INSR: variants seen among roughly 807,000 people sequenced by gnomAD.
INSR encodes the protein IR.
In INSR, 67 loss-of-function variants were observed where a neutral mutation model predicts 142.6. That is an observed-to-expected ratio of 0.47 (90% confidence interval 0.39 to 0.58). The LOEUF is 0.58. Ranked by LOEUF, INSR falls within the 20% of genes least tolerant of loss-of-function variation. The pLI, the probability that INSR is intolerant of heterozygous loss-of-function variation, is 0.00. For missense variants in INSR, 1,248 were observed against 1,833.2 expected (o/e 0.68, Z 5.83); for synonymous variants, 756 against 743.1 (o/e 1.02, Z -0.28).
chr19:7,204,756 T>C (rs758469957), intron 2 of INSR, among the ~76,000 whole-genome samples: 8 of 152,100 alleles, frequency 5.3e-5, no homozygotes, highest in Non-Finnish European at 8.8e-5. Flanking sequence ...TGCTCCCCTA[T>C]CAGGCTGGCT....
intron 9 of INSR, among the ~76,000 whole-genome samples, chr19:7,153,207 C>CACACA (rs1476233117): frequency 0.017 from 437 of 25,506 alleles, 67 homozygotes; most frequent in Middle Eastern, 0.045. Context: ...CCACACACAC[C>CACACA]ACACACCACA....
chr19:7,288,168 G>C (rs1393455654), intron 1 of INSR, among the ~76,000 whole-genome samples: 1 of 151,616 alleles, frequency 6.6e-6, no homozygotes, highest in Non-Finnish European at 1.5e-5. Context: ...GACCAGCCTA[G>C]GCAACATAGC....
intron 2 of INSR, among the ~76,000 whole-genome samples, chr19:7,224,310 G>T (rs965234740): frequency 6.8e-6 from 1 of 146,886 alleles, no homozygotes; most frequent in East Asian, 2.0e-4. Context: ...GCAAATCTCC[G>T]TTTCAGTCTT....
intron 1 of INSR, 146 bp from the exon 2 acceptor site, chr19:7,268,042 C>A: frequency 1.4e-6 from 1 of 720,094 alleles, no homozygotes; most frequent in Non-Finnish European, 2.4e-6. Flanking sequence ...TGCAGCCAGC[C>A]GGGATGAGTA....
At chr19:7,291,727 CAGAAGAACAGG>C in intron 1 of INSR, among the ~76,000 whole-genome samples, 1 of 152,288 alleles carries the variant, frequency 6.6e-6, no homozygotes, top group South Asian at 2.1e-4. Context: ...CTACAAGGAA[CAGAAGAACAGG>C]GAACCACACA....
At chr19:7,195,267 A>G (rs1369538448) in intron 2 of INSR, among the ~76,000 whole-genome samples, 1 of 152,118 alleles carries the variant, frequency 6.6e-6, no homozygotes, top group Non-Finnish European at 1.5e-5. Flanking sequence ...AAAAGACAAA[A>G]TATTTGTGTA....
At chr19:7,146,438 C>T (rs1973190063) in intron 11 of INSR, among the ~76,000 whole-genome samples, 1 of 151,926 alleles carries the variant, frequency 6.6e-6, no homozygotes, top group Non-Finnish European at 1.5e-5. Flanking sequence ...GACAGTGTTT[C>T]ACCATGTTGA....
chr19:7,215,287 C>T (rs1975399052), intron 2 of INSR, among the ~76,000 whole-genome samples: 1 of 152,078 alleles, frequency 6.6e-6, no homozygotes, highest in South Asian at 2.1e-4. Context: ...ACAAGGACAC[C>T]AGGGAAGGTC....
At chr19:7,129,642 A>T (rs2144824672) in intron 14 of INSR, among the ~76,000 whole-genome samples, 1 of 152,282 alleles carries the variant, frequency 6.6e-6, no homozygotes, top group Middle Eastern at 3.4e-3. Context: ...TAATAATTTT[A>T]AAGCAAGGAG....
chr19:7,198,897 TTTG>T (rs1974868996), intron 2 of INSR, among the ~76,000 whole-genome samples: 1 of 96,260 alleles, frequency 1.0e-5, no homozygotes, highest in Non-Finnish European at 2.5e-5. Context: ...ATACACTTTT[TTTG>T]GGGGGGGGGT....
In INSR at chr19:7,291,751, C is replaced by T. The variant is rs190374922; in HGVS notation, c.100+2041G>A. On this transcript the variant is annotated intron_variant, in intron 1 of 21. Transcript: ENST00000302850. ...ACAGAAGAACAGGGAACCACACACA[C>T]GCACACATAGAATCTGGCATAGTTC... Among the ~76,000 whole-genome samples the T allele has an allele frequency of 1.8e-3, 275 of 152,292 alleles. 1 individual carries two copies. The highest frequency in any genetic ancestry group is 3.3e-3 in the Non-Finnish European group (222 of 68,030).
intron 2 of INSR, among the ~76,000 whole-genome samples, chr19:7,208,866 G>A (rs1183396758): frequency 1.3e-5 from 2 of 152,098 alleles, no homozygotes; most frequent in East Asian, 3.9e-4. Context: ...AGCTGGGCAT[G>A]GTGGCGCGTG....
At chr19:7,194,700 T>A (rs1264427984) in intron 2 of INSR, among the ~76,000 whole-genome samples, 2 of 109,714 alleles carry the variant, frequency 1.8e-5, no homozygotes, top group Non-Finnish European at 3.8e-5. Flanking sequence ...TTTTTTTTTT[T>A]AGTGGAGAAG....
rs113982714 is a variant in INSR, at chr19:7,119,138, A to T, written c.3794+311T>A. On this transcript the variant is annotated intron_variant, in intron 21 of 21. Transcript: ENST00000302850. This position sits in a 1 kb window ranked among gnomAD's most constrained non-coding sequence, Gnocchi z 5.2. ...CTTATAATATGTAAATGAGGTGTACATGTGCCATGATATGCTGATGCACAC... is the reference window on the plus strand; with the variant it reads ...CTTATAATATGTAAATGAGGTGTACTTGTGCCATGATATGCTGATGCACAC... Among the ~76,000 whole-genome samples, 1,703 of 152,338 alleles carry T rather than the reference A, an allele frequency of 0.011. 30 individuals carry two copies. The highest frequency in any genetic ancestry group is 0.039 in the African/African-American group (1,608 of 41,560).
Position 7,267,852 on chromosome 19 carries a change from C to T in INSR, c.145G>A (p.Glu49Lys). Residue 49 changes from glutamate (E) to lysine (K), a missense_variant, in exon 2 of 22, where the codon GAG (glutamate) becomes AAG (lysine). Glu to Lys is a moderately conservative substitution (Grantham distance 56). Around this residue, in one of 3 missense-constraint regions of INSR, gnomAD observed 1,069 missense variants for 1,654.0 expected, o/e 0.65. Coordinates refer to ENST00000302850, the MANE Select transcript of INSR (RefSeq NM_000208.4). This position sits in a 1 kb window ranked among gnomAD's most constrained non-coding sequence, Gnocchi z 6.3. ...TCGATGACAGAGCAATTCTCCAGCT[C>T]ATGCAACCTAGTGAGGTTGTTCCGG... is the stretch of plus-strand genomic sequence containing the variant. ...DIRNNLTRLH[E>K]LENCSVIEGH... 1 of 1,614,070 alleles carries T rather than the reference C, an allele frequency of 6.2e-7. No individual in the cohort carries two copies. The highest frequency in any genetic ancestry group is 8.5e-7 in the Non-Finnish European group (1 of 1,180,022).
At chr19:7,158,612 GGAGT>G (rs1443622033) in intron 9 of INSR, among the ~76,000 whole-genome samples, 4 of 152,122 alleles carry the variant, frequency 2.6e-5, no homozygotes, top group Non-Finnish European at 5.9e-5. Context: ...AAGGAGAAGG[GGAGT>G]GAGTGTTTCA....
chr19:7,233,142 A>T (rs1379168326), intron 2 of INSR, among the ~76,000 whole-genome samples: 27 of 151,812 alleles, frequency 1.8e-4, no homozygotes, highest in Admixed American at 1.8e-3. Context: ...TACAGGCACC[A>T]GCCACCACAC....
rs60435269 is a variant in INSR, at chr19:7,135,976, A to AAAAAAAAG, written c.2683-3660_2683-3659insCTTTTTTT. Among the ~76,000 whole-genome samples, 14 of 146,560 alleles carry AAAAAAAAG rather than the reference A, an allele frequency of 9.6e-5. 1 individual carries two copies. Among genetic ancestry groups the AAAAAAAAG allele is most frequent in the African/African-American group, 2.6e-4 (10 of 38,812 alleles). On this transcript the variant is annotated intron_variant, in intron 13 of 21. Transcript: ENST00000302850. ...GAGATAGACTCCATCTCAAAAAAAA[A>AAAAAAAAG]AAAGAAAGAATGAAAGAAATGCCAA...
Position 7,192,232 on chromosome 19 carries a change from G to A in INSR, c.653-7595C>T, listed in dbSNP as rs377407775. Among the ~76,000 whole-genome samples, 51 of 139,714 alleles carry A rather than the reference G, an allele frequency of 3.7e-4. No homozygotes were observed. Among genetic ancestry groups the A allele is most frequent in the Admixed American group, 1.7e-3 (23 of 13,190 alleles). The allele number at this position is 139,714 out of a possible 152,430, so 91.7% of individuals were successfully genotyped here. A position where few individuals can be genotyped will look rare whatever the true frequency, so the allele number is the denominator to read the frequency against. On this transcript the variant is annotated intron_variant, in intron 2 of 21. Transcript: ENST00000302850. This position sits in a 1 kb window ranked among gnomAD's most constrained non-coding sequence, Gnocchi z 4.2. The stretch of plus-strand genomic sequence containing the variant: ...AAAGGAGAAAGAAAAGAAAGAGAAA[G>A]AAGGAAGGGAGGGAGGGAAGAAAAG...
Sources: gnomAD v4.1 joint callset for allele counts (sites outside exome capture counted in the v4.1 genomes callset) on GRCh38, gnomAD v4.1.1 for gene constraint, gnomAD v4.1.1 regional missense constraint, Gnocchi (gnomAD v3.1) non-coding constraint, MANE v1.5 for transcripts, NCBI Gene and HGNC (gene_info 2026-07-23, HGNC 2026-07-21) for gene names.